The following CSMD1 variants were observed in gnomAD, a reference collection of about 807,000 sequenced individuals.
The protein encoded by CSMD1 is CUB and Sushi multiple domains 1.
A neutral mutation model predicts 417.5 loss-of-function variants in CSMD1; 213 were observed. The ratio of observed to expected loss-of-function variants is 0.51; its 90% CI spans 0.46 to 0.57. CSMD1 has a LOEUF of 0.57. CSMD1 is among the 20% of genes least tolerant of loss of function. CSMD1 has a pLI of 0.00. For missense variants in CSMD1, 6,923 were observed against 4,529.7 expected (o/e 1.53, Z -15.17); for synonymous variants, 2,862 against 1,736.8 (o/e 1.65, Z -16.11).
intron 4 of CSMD1, among the ~76,000 whole-genome samples, chr8:4,024,867 T>A (rs2130528829): frequency 6.6e-6 from 1 of 152,252 alleles, no homozygotes; most frequent in African/African-American, 2.4e-5. Flanking sequence ...TTTTCTTAAG[T>A]AAGGTTTGCT....
At chr8:3,200,397 A>G (rs1796931779) in intron 32 of CSMD1, among the ~76,000 whole-genome samples, 1 of 151,824 alleles carries the variant, frequency 6.6e-6, no homozygotes, top group Non-Finnish European at 1.5e-5. Context: ...TCTACTAAAA[A>G]TACAAAAATT....
At position 3,427,397 on chromosome 8, in the gene CSMD1, A is replaced by G. The variant is rs73657899; in HGVS notation, c.1562-17792T>C. On this transcript the variant is annotated intron_variant, in intron 12 of 69. Coordinates refer to ENST00000635120, the MANE Select transcript of CSMD1 (RefSeq NM_033225.6). ...AAAGATGGTCCCTGTCTCCTATTTA[A>G]TAATAACTAATCATAAAAATTTAAC... Among the ~76,000 whole-genome samples, 659 of 152,322 alleles carry G rather than the reference A, an allele frequency of 4.3e-3. 4 individuals carry two copies. Among genetic ancestry groups the G allele is most frequent in the African/African-American group, 0.015 (612 of 41,570 alleles).
At chr8:3,224,248 A>G (rs534156957) in intron 27 of CSMD1, among the ~76,000 whole-genome samples, 3 of 152,360 alleles carry the variant, frequency 2.0e-5, no homozygotes, top group Admixed American at 6.5e-5. Context: ...AAAAAATCCC[A>G]TGGACATGAT....
intron 16 of CSMD1, among the ~76,000 whole-genome samples, 174 bp from the exon 17 acceptor site, chr8:3,396,555 T>C (rs1296267992): frequency 6.6e-6 from 1 of 152,202 alleles, no homozygotes; most frequent in East Asian, 1.9e-4. Flanking sequence ...TGTTCTTTTC[T>C]TGATGAGACG....
At chr8:3,868,327 A>G (rs1024557626) in intron 5 of CSMD1, among the ~76,000 whole-genome samples, 1 of 151,926 alleles carries the variant, frequency 6.6e-6, no homozygotes, top group Non-Finnish European at 1.5e-5. Context: ...ACCCGGAGAC[A>G]TTTATTTTTT....
chr8:3,790,273 CAG>C, intron 5 of CSMD1, among the ~76,000 whole-genome samples: 1 of 152,176 alleles, frequency 6.6e-6, no homozygotes, highest in South Asian at 2.1e-4. Flanking sequence ...AACGAAATAA[CAG>C]AAAACAAGAT....
intron 10 of CSMD1, among the ~76,000 whole-genome samples, chr8:3,524,023 A>C (rs1176549277): frequency 6.9e-6 from 1 of 145,516 alleles, no homozygotes; most frequent in East Asian, 2.1e-4. Context: ...GCACGTGCAC[A>C]CACACACACA....
At chr8:4,570,797 T>C (rs764423379) in intron 2 of CSMD1, among the ~76,000 whole-genome samples, 7 of 152,206 alleles carry the variant, frequency 4.6e-5, no homozygotes, top group Admixed American at 2.0e-4. Flanking sequence ...TGGTAGGCTA[T>C]TAATCACTGT....
chr8:4,390,808 T>G (rs145188819), intron 3 of CSMD1, among the ~76,000 whole-genome samples: 2 of 152,264 alleles, frequency 1.3e-5, no homozygotes, highest in East Asian at 3.9e-4. Flanking sequence ...CCCAAAGTGC[T>G]GGGATTACAG....
intron 2 of CSMD1, among the ~76,000 whole-genome samples, chr8:4,616,222 G>C (rs1563337311): frequency 3.3e-5 from 5 of 151,914 alleles, no homozygotes; most frequent in Admixed American, 2.6e-4. Context: ...CTTTACTTAG[G>C]AGCACTTTGA....
At chr8:3,215,350 C>T (rs577296498) in intron 29 of CSMD1, among the ~76,000 whole-genome samples, 21 of 152,314 alleles carry the variant, frequency 1.4e-4, no homozygotes, top group African/African-American at 5.1e-4. Context: ...ACTGGATGTA[C>T]TAACAGCCAA....
intron 27 of CSMD1, among the ~76,000 whole-genome samples, chr8:3,224,838 C>G (rs1015505642): frequency 6.6e-6 from 1 of 152,178 alleles, no homozygotes; most frequent in African/African-American, 2.4e-5. Context: ...CCTCTCATCT[C>G]ACGGAAGGTG....
intron 1 of CSMD1, among the ~76,000 whole-genome samples, chr8:4,869,577 G>A (rs1424891262): frequency 6.6e-6 from 1 of 151,964 alleles, no homozygotes; most frequent in Non-Finnish European, 1.5e-5. Flanking sequence ...CCTATTTTGT[G>A]TTAAATGTTG....
At chr8:3,918,128 C>T (rs574056014) in intron 5 of CSMD1, among the ~76,000 whole-genome samples, 1 of 152,018 alleles carries the variant, frequency 6.6e-6, no homozygotes, top group Non-Finnish European at 1.5e-5. Context: ...CTAATCCTGG[C>T]AATTGCTAAT....
At chr8:3,649,909 T>A (rs1439520229) in intron 7 of CSMD1, among the ~76,000 whole-genome samples, 1 of 152,152 alleles carries the variant, frequency 6.6e-6, no homozygotes, top group African/African-American at 2.4e-5. Flanking sequence ...CAGAGCTTTG[T>A]GCATGGTATA....
At chr8:4,124,804 G>T (rs778645045) in intron 3 of CSMD1, among the ~76,000 whole-genome samples, 1 of 152,028 alleles carries the variant, frequency 6.6e-6, no homozygotes, top group Non-Finnish European at 1.5e-5. Context: ...GTTGCAGCCT[G>T]ATGTTTTTAA....
intron 5 of CSMD1, among the ~76,000 whole-genome samples, chr8:3,868,896 T>C (rs1409866712): frequency 6.6e-6 from 1 of 152,186 alleles, no homozygotes; most frequent in Non-Finnish European, 1.5e-5. Flanking sequence ...TGTGCTTGCT[T>C]CCATCTTTCC....
intron 11 of CSMD1, among the ~76,000 whole-genome samples, chr8:3,469,934 G>C (rs954284079): frequency 1.6e-4 from 24 of 152,246 alleles, no homozygotes; most frequent in Middle Eastern, 3.4e-3. Context: ...TCATTTGCTT[G>C]TTTTGTTGGC....
In CSMD1 at chr8:3,708,550, T is replaced by C. The variant is rs148479835; in HGVS notation, c.932-59A>G. 1.4e-4 allele frequency: 200 copies of C among 1,432,518 alleles called. No individual in the cohort carries two copies. The African/African-American group carries it at 2.5e-3, about 18-fold the overall frequency. 88.7% of individuals were successfully genotyped at this position (1,432,518 alleles called of 1,614,324 possible). On this transcript the variant is annotated intron_variant, in intron 6 of 69. Transcript: ENST00000635120. ...AGACTTGGAGATCATAAAACCATGT[T>C]GTATCCACACAGCACTTCCAGTCAT...
Sources: gnomAD v4.1 joint callset for allele counts (sites outside exome capture counted in the v4.1 genomes callset) on GRCh38, gnomAD v4.1.1 for gene constraint, MANE v1.5 for transcripts, NCBI Gene and HGNC (gene_info 2026-07-23, HGNC 2026-07-21) for gene names.